NAV2: variants seen among roughly 807,000 people sequenced by gnomAD.
NAV2 encodes neuron navigator 2, also known as helicase, APC down-regulated 1.
NAV2 carries 54 observed loss-of-function variants against 223.2 expected under a neutral mutation model. The ratio of observed to expected loss-of-function variants is 0.24; its 90% CI spans 0.19 to 0.30. The LOEUF (loss-of-function observed/expected upper bound fraction) is 0.30. Among genes scored for constraint, NAV2 ranks in the 10% least tolerant of loss-of-function variants. The pLI, the probability that NAV2 is intolerant of heterozygous loss-of-function variation, is 1.00. For missense variants in NAV2, 2,806 were observed against 3,147.5 expected (o/e 0.89, Z 2.60); for synonymous variants, 1,279 against 1,239.3 (o/e 1.03, Z -0.67).
Position 20,105,554 on chromosome 11 carries a change from C to T in NAV2, c.6668C>T (p.Thr2223Met), listed in dbSNP as rs998262873. 53 of 1,613,570 alleles carry T rather than the reference C, an allele frequency of 3.3e-5. No homozygotes were observed. The Middle Eastern group carries it at 9.9e-4, about 30-fold the overall frequency. ...NFRWVLCANH[T>M]EPVKGFLGRF... Reference sequence around the variant, plus strand: ...AGATGGGTGCTTTGTGCCAACCACACGGAGCCTGTGAAGGGTTTCCTTGGC... The same window carrying T: ...AGATGGGTGCTTTGTGCCAACCACATGGAGCCTGTGAAGGGTTTCCTTGGC... Residue 2223 changes from threonine (T) to methionine (M), a missense_variant, in exon 35 of 38, where the codon ACG becomes ATG. By Grantham distance (81) the Thr-to-Met change is moderately conservative. Transcript: ENST00000349880.
chr11:19,805,274 C>A lies in NAV2; in HGVS notation c.268-27210C>A, dbSNP rs146575277. ...TAGCACCACTTACATTTTCTTCTCT[C>A]ATGGCTTCTTTCTTTTCAGACCTCT... On this transcript the variant is annotated intron_variant, in intron 1 of 37. Coordinates refer to ENST00000349880, the MANE Select transcript of NAV2 (RefSeq NM_145117.5). Among the ~76,000 whole-genome samples the A allele has an allele frequency of 2.9e-3, 447 of 152,298 alleles. 2 individuals are homozygous for A. The highest frequency in any genetic ancestry group is 0.01 in the African/African-American group (430 of 41,554).
chr11:19,524,941 C>A (rs1327443604), intron 1 of NAV2, among the ~76,000 whole-genome samples: 1 of 152,156 alleles, frequency 6.6e-6, no homozygotes, highest in East Asian at 1.9e-4. Context: ...TGTGTAAACA[C>A]AATTATATTT....
At chr11:19,811,525 A>G (rs982621365) in intron 1 of NAV2, among the ~76,000 whole-genome samples, 2 of 152,220 alleles carry the variant, frequency 1.3e-5, no homozygotes, top group East Asian at 1.9e-4. Context: ...GCTGCCACAC[A>G]CTAATGCCTT....
chr11:19,570,583 G>T (rs1477882571), intron 1 of NAV2, among the ~76,000 whole-genome samples: 1 of 152,078 alleles, frequency 6.6e-6, no homozygotes, highest in African/African-American at 2.4e-5. Flanking sequence ...TGTTAAAAAA[G>T]ACCTGATTAA....
intron 10 of NAV2, among the ~76,000 whole-genome samples, chr11:19,982,013 G>A (rs1049389571): frequency 2.6e-5 from 4 of 152,088 alleles, no homozygotes; most frequent in African/African-American, 7.2e-5. Context: ...AACAAAAACA[G>A]CATTTAATAA....
In NAV2 at chr11:19,859,348, G is replaced by C. The variant is rs1021199023; in HGVS notation, c.439-9577G>C. 8.6e-5 allele frequency among the ~76,000 whole-genome samples: 13 copies of C among 150,484 alleles called. 1 individual carries two copies. Among genetic ancestry groups the C allele is most frequent in the African/African-American group, 3.2e-4 (13 of 41,058 alleles). On this transcript the variant is annotated intron_variant, in intron 3 of 37. Transcript: ENST00000349880. ...TTAGGGAGTGGTGATGACTCTTAAC[G>C]AGTATGCTGCCTTCAAGCTTCTGTT...
intron 1 of NAV2, among the ~76,000 whole-genome samples, chr11:19,757,334 T>C (rs2054313876): frequency 1.3e-5 from 2 of 152,090 alleles, no homozygotes; most frequent in South Asian, 4.1e-4. Context: ...TGTTTATTTT[T>C]AGCAGGAGTA....
intron 6 of NAV2, among the ~76,000 whole-genome samples, chr11:19,916,821 G>C (rs986003791): frequency 1.3e-5 from 2 of 152,228 alleles, no homozygotes; most frequent in African/African-American, 4.8e-5. Context: ...TAGGTGGGGA[G>C]CTGGATTTGG....
At chr11:19,490,640 C>T (rs1380203076) in intron 1 of NAV2, among the ~76,000 whole-genome samples, 1 of 152,216 alleles carries the variant, frequency 6.6e-6, no homozygotes, top group Non-Finnish European at 1.5e-5. Flanking sequence ...ATAGTTACTT[C>T]TTCCACTGAG....
At chr11:19,928,122 T>A (rs2153233834) in intron 6 of NAV2, among the ~76,000 whole-genome samples, 1 of 152,346 alleles carries the variant, frequency 6.6e-6, no homozygotes, top group East Asian at 1.9e-4. Context: ...TATGAGTATA[T>A]CTTGATTTAA....
In NAV2 at chr11:19,491,356, T is replaced by C. The variant is rs188817439; in HGVS notation, c.75+140329T>C. On this transcript the variant is annotated intron_variant, in intron 1 of 37. Transcript: ENST00000360655. ...TGTTTCATATTCACGGAAAATCAGT[T>C]GTTTAGTGTACCCACCTTCATCAAT... 1.3e-3 allele frequency among the ~76,000 whole-genome samples: 194 copies of C among 152,366 alleles called. 3 individuals carry two copies. The highest frequency in any genetic ancestry group is 4.4e-3 in the African/African-American group (181 of 41,590).
At chr11:19,479,283 T>C (rs1453631576) in intron 1 of NAV2, among the ~76,000 whole-genome samples, 1 of 152,182 alleles carries the variant, frequency 6.6e-6, no homozygotes, top group Non-Finnish European at 1.5e-5. Flanking sequence ...GGAGCTAGTT[T>C]TCCCCCTCCT....
chr11:19,814,904 A>G (rs1387328666), intron 1 of NAV2, among the ~76,000 whole-genome samples: 1 of 152,086 alleles, frequency 6.6e-6, no homozygotes, highest in Non-Finnish European at 1.5e-5. Context: ...TATCTAACCC[A>G]ACTTCCTAGG....
At chr11:19,633,036 T>C (rs2047389010) in intron 1 of NAV2, among the ~76,000 whole-genome samples, 1 of 152,176 alleles carries the variant, frequency 6.6e-6, no homozygotes, top group African/African-American at 2.4e-5. Flanking sequence ...GTCTATTTTG[T>C]CTCTTCCTCT....
intron 1 of NAV2, among the ~76,000 whole-genome samples, chr11:19,516,308 C>T (rs2134275877): frequency 6.6e-6 from 1 of 152,284 alleles, no homozygotes; most frequent in Non-Finnish European, 1.5e-5. Flanking sequence ...GTTTGAGCCC[C>T]ACAATACCGA....
At chr11:20,006,806 C>G (rs1240149444) in intron 11 of NAV2, among the ~76,000 whole-genome samples, 1 of 151,986 alleles carries the variant, frequency 6.6e-6, no homozygotes, top group Non-Finnish European at 1.5e-5. Flanking sequence ...GAGTTGTAAT[C>G]ATACCACTGC....
intron 1 of NAV2, among the ~76,000 whole-genome samples, chr11:19,424,029 T>C (rs1331688482): frequency 6.6e-6 from 1 of 152,022 alleles, no homozygotes; most frequent in Non-Finnish European, 1.5e-5. Context: ...TGAAAGGGAG[T>C]GAACTGAAAT....
intron 1 of NAV2, among the ~76,000 whole-genome samples, chr11:19,727,883 G>A (rs374190693): frequency 6.6e-5 from 10 of 152,312 alleles, no homozygotes; most frequent in African/African-American, 2.4e-4. Flanking sequence ...GAGTCTGCAC[G>A]AGGAAGGAAG....
rs536748860 is a variant in NAV2 at position 19,646,001 on chromosome 11, A to C, written c.76-186483A>C. On this transcript the variant is annotated intron_variant, in intron 1 of 37. Coordinates refer to the NAV2 transcript ENST00000360655. ...GAACCTGGGTAGCTTCTCTCATGCAATGTGATGTCATTAAAGGTAACATTG... is the reference window on the plus strand; with the variant it reads ...GAACCTGGGTAGCTTCTCTCATGCACTGTGATGTCATTAAAGGTAACATTG... Among the ~76,000 whole-genome samples, 6 of 152,288 alleles carry C rather than the reference A, an allele frequency of 3.9e-5. No homozygotes were observed. In the East Asian group the frequency reaches 1.2e-3, roughly 30 times the overall value.
Sources: allele counts gnomAD v4.1 joint callset (sites outside exome capture counted in the v4.1 genomes callset), GRCh38; gene constraint gnomAD v4.1.1; transcripts MANE v1.5; gene names NCBI Gene and HGNC (gene_info 2026-07-23, HGNC 2026-07-21).